FILIP1L: variants seen among roughly 807,000 people sequenced by gnomAD.
FILIP1L encodes the protein filamin A-interacting protein 1-like.
Under a neutral mutation model 96.6 loss-of-function variants are expected in FILIP1L, and 55 were observed. That is an observed-to-expected ratio of 0.57 (90% CI 0.46 to 0.71). FILIP1L has a LOEUF of 0.71. Ranked by LOEUF, FILIP1L falls within the 30% of genes least tolerant of loss-of-function variation. The pLI, the probability that FILIP1L is intolerant of heterozygous loss-of-function variation, is 0.00. For missense variants in FILIP1L, 1,304 were observed against 1,321.2 expected, an observed-to-expected ratio of 0.99 and a Z score of 0.20; for synonymous variants, 467 against 473.9, an observed-to-expected ratio of 0.99 and a Z score of 0.19.
chr3:99,841,268 T>A (rs1416499171), intron 5 of FILIP1L, among the ~76,000 whole-genome samples: 2 of 152,262 alleles, frequency 1.3e-5, no homozygotes, highest in African/African-American at 4.8e-5. Context: ...TGTTAATACA[T>A]TGTACCTTTG....
At chr3:100,107,848 T>C (rs142278231) in intron 1 of FILIP1L, among the ~76,000 whole-genome samples, 1,618 of 150,152 alleles carry the variant, frequency 0.011, 35 homozygotes, top group African/African-American at 0.036. Flanking sequence ...ACATGATTTA[T>C]ATTTTATGGT....
At chr3:99,869,264 T>C (rs1017995016) in intron 4 of FILIP1L, among the ~76,000 whole-genome samples, 8 of 152,162 alleles carry the variant, frequency 5.3e-5, no homozygotes, top group African/African-American at 1.7e-4. Context: ...CTGTGATTCT[T>C]TGCATCTGTG....
chr3:99,992,012 G>A (rs369162314), intron 1 of FILIP1L, among the ~76,000 whole-genome samples: 2 of 145,554 alleles, frequency 1.4e-5, no homozygotes, highest in Admixed American at 6.9e-5. Flanking sequence ...ATGTGTGTGT[G>A]TATATATATA....
intron 4 of FILIP1L, among the ~76,000 whole-genome samples, chr3:99,915,307 A>T (rs1706918203): frequency 6.6e-6 from 1 of 152,136 alleles, no homozygotes; most frequent in Non-Finnish European, 1.5e-5. Flanking sequence ...AAAAATATTT[A>T]TTTTACCTCT....
intron 4 of FILIP1L, among the ~76,000 whole-genome samples, chr3:99,872,145 A>C (rs1944820633): frequency 6.6e-6 from 1 of 152,136 alleles, no homozygotes; most frequent in Non-Finnish European, 1.5e-5. Context: ...ACCTCTGCAT[A>C]GCTGTGTCTC....
intron 1 of FILIP1L, among the ~76,000 whole-genome samples, chr3:100,065,684 CTTGAT>C (rs139318866): frequency 0.56 from 84,540 of 151,478 alleles, 24,001 homozygotes; most frequent in East Asian, 0.73. Context: ...GCAAATGACA[CTTGAT>C]TTGTTTTCCT....
chr3:99,850,678 T>G lies in FILIP1L; in HGVS notation c.998A>C (p.Gln333Pro). The G allele has an allele frequency of 3.1e-6, 5 of 1,614,168 alleles. No homozygotes were observed. The highest frequency in any genetic ancestry group is 4.2e-6 in the Non-Finnish European group (5 of 1,180,036). The change falls in exon 5 of 6, where the codon CAG (glutamine) becomes CCG (proline). Residue 333 changes from glutamine to proline, a missense_variant. By Grantham distance (76) the Gln-to-Pro change is moderately conservative (BLOSUM62 -1). Transcript: ENST00000477258. The part of the protein sequence containing the change: ...LQQKLAALSR[Q>P]IDELEETNRS... ...GTTTGTCTCTTCTAACTCATCAATC[T>G]GCCGGCTGAGTGCTGCCAGCTTTTG...
At chr3:99,986,468 G>A (rs979607376) in intron 1 of FILIP1L, among the ~76,000 whole-genome samples, 8 of 152,094 alleles carry the variant, frequency 5.3e-5, no homozygotes, top group African/African-American at 1.2e-4. Flanking sequence ...TACTAGTGAC[G>A]GTTAGTTTTT....
chr3:99,937,184 C>A (rs141582317), intron 1 of FILIP1L, among the ~76,000 whole-genome samples: 2 of 151,774 alleles, frequency 1.3e-5, no homozygotes, highest in Non-Finnish European at 2.9e-5. Flanking sequence ...GTGATCCACC[C>A]GCCTCAGCCT....
At chr3:99,968,629 G>A (rs1464104348) in intron 1 of FILIP1L, among the ~76,000 whole-genome samples, 5 of 152,112 alleles carry the variant, frequency 3.3e-5, no homozygotes, top group Admixed American at 3.3e-4. Flanking sequence ...AAATTACCAT[G>A]GGTGAAGCCT....
chr3:100,043,833 T>C (rs1476927837), intron 1 of FILIP1L, among the ~76,000 whole-genome samples: 3 of 152,222 alleles, frequency 2.0e-5, no homozygotes, highest in Non-Finnish European at 4.4e-5. Flanking sequence ...TCTATCCTTT[T>C]AGCAATTTTG....
intron 1 of FILIP1L, among the ~76,000 whole-genome samples, chr3:100,102,841 G>T (rs2066332591): frequency 6.6e-6 from 1 of 152,224 alleles, no homozygotes; most frequent in Non-Finnish European, 1.5e-5. Context: ...TGCTATAAGT[G>T]TATAGGAGAG....
chr3:99,982,536 C>A (rs1317518863), intron 1 of FILIP1L, among the ~76,000 whole-genome samples: 1 of 151,944 alleles, frequency 6.6e-6, no homozygotes, highest in African/African-American at 2.4e-5. Context: ...GAATAAGAGT[C>A]TCTCACTCTG....
intron 4 of FILIP1L, among the ~76,000 whole-genome samples, chr3:99,896,365 G>A (rs549480753): frequency 1.3e-5 from 2 of 152,294 alleles, no homozygotes; most frequent in South Asian, 4.1e-4. Context: ...TCTAGAGAGA[G>A]GCTGTTTCAT....
At chr3:100,012,259 A>C (rs1445147130) in intron 1 of FILIP1L, among the ~76,000 whole-genome samples, 1 of 152,204 alleles carries the variant, frequency 6.6e-6, no homozygotes, top group Non-Finnish European at 1.5e-5. Context: ...AGATTGGTAG[A>C]ATTATTACTT....
chr3:99,966,135 G>A (rs934538308), intron 1 of FILIP1L, among the ~76,000 whole-genome samples: 2 of 152,192 alleles, frequency 1.3e-5, no homozygotes, highest in African/African-American at 4.8e-5. Context: ...CTTAGGAAAG[G>A]TAAATAAAAT....
chr3:100,111,479 C>T (rs568408378), intron 1 of FILIP1L, among the ~76,000 whole-genome samples: 3 of 152,028 alleles, frequency 2.0e-5, no homozygotes, highest in Non-Finnish European at 2.9e-5. Flanking sequence ...GGGTCAAGTG[C>T]GTAATTGATA....
intron 4 of FILIP1L, among the ~76,000 whole-genome samples, chr3:99,877,847 G>A (rs1329420412): frequency 6.6e-6 from 1 of 152,140 alleles, no homozygotes; most frequent in African/African-American, 2.4e-5. Context: ...CAAACTGATA[G>A]CATACTTTTA....
intron 1 of FILIP1L, among the ~76,000 whole-genome samples, chr3:100,093,458 A>T: frequency 6.6e-6 from 1 of 152,282 alleles, no homozygotes; most frequent in African/African-American, 2.4e-5. Context: ...TTTTACAAAA[A>T]ATATATACTT....
Sources: allele counts gnomAD v4.1 joint callset (sites outside exome capture counted in the v4.1 genomes callset), GRCh38; gene constraint gnomAD v4.1.1; transcripts MANE v1.5; gene names NCBI Gene and HGNC (gene_info 2026-07-23, HGNC 2026-07-21).